Variants in ZFYVE9 observed in about 807,000 individuals in gnomAD.
ZFYVE9 encodes zinc finger FYVE domain-containing protein 9.
A neutral mutation model predicts 126.7 loss-of-function variants in ZFYVE9; 43 were observed. The ratio of observed to expected loss-of-function variants is 0.34; its 90% CI spans 0.27 to 0.44. The LOEUF (loss-of-function observed/expected upper bound fraction) is 0.44, where lower values mean the gene tolerates loss of function less well. ZFYVE9 is among the 20% of genes least tolerant of loss of function. The pLI is 1.00. For synonymous variants in ZFYVE9, 521 were observed against 597.4 expected, an observed-to-expected ratio of 0.87 and a Z score of 1.87; for missense variants, 1,476 against 1,697.0, an observed-to-expected ratio of 0.87 and a Z score of 2.29.
intron 4 of ZFYVE9, among the ~76,000 whole-genome samples, chr1:52,248,718 C>T (rs1645414884): frequency 6.6e-6 from 1 of 152,226 alleles, no homozygotes; most frequent in Non-Finnish European, 1.5e-5. Context: ...AATAATGCTA[C>T]TATGAACATG....
intron 1 of ZFYVE9, chr1:52,180,299 A>G (rs1644685353): frequency 2.5e-6 from 4 of 1,591,616 alleles, no homozygotes; most frequent in Non-Finnish European, 3.4e-6. Context: ...CAACCTGCAT[A>G]CCCAGTTATC....
At chr1:52,199,947 TATC>T (rs1227475112) in intron 1 of ZFYVE9, among the ~76,000 whole-genome samples, 1 of 152,178 alleles carries the variant, frequency 6.6e-6, no homozygotes, top group African/African-American at 2.4e-5. Flanking sequence ...TGGAGTATCT[TATC>T]ATAATGCCTG....
At chr1:52,151,059 G>C (rs1644352455) in intron 1 of ZFYVE9, among the ~76,000 whole-genome samples, 1 of 150,742 alleles carries the variant, frequency 6.6e-6, no homozygotes, top group African/African-American at 2.4e-5. Flanking sequence ...GGTCACTCAT[G>C]GAAATTTCTG....
chr1:52,279,639 G>A lies in ZFYVE9; in HGVS notation c.2869+1025G>A, dbSNP rs550144969. Reference sequence around the variant, plus strand: ...CCACCATACCTGGCTAATTTTTTTTGTATTTTTTTGTAGAGACAGGAGTCT... The same window carrying A: ...CCACCATACCTGGCTAATTTTTTTTATATTTTTTTGTAGAGACAGGAGTCT... On this transcript the variant is annotated intron_variant, in intron 9 of 18. Coordinates refer to ENST00000287727, the MANE Select transcript of ZFYVE9 (RefSeq NM_004799.4). 5.9e-5 allele frequency among the ~76,000 whole-genome samples: 9 copies of A among 152,002 alleles called. No individual in the cohort carries two copies. In the South Asian group the frequency reaches 1.2e-3, roughly 21 times the overall value.
At position 52,346,172 on chromosome 1, in the gene ZFYVE9, GC is replaced by G. The variant is rs769956069; in HGVS notation, c.4233del (p.Val1412LeufsTer39). Reference protein sequence around the residue: ...IHGGACQLSEGPVVMELIFYI... With the variant: ...IHGGACQLSEXPVVMELIFYI... ...GGAGGGGCCTGCCAGCTTAGTGAGG[GC>G]CCCGTTGTCATGGAACTCATCTTTT... On this transcript the variant is annotated frameshift_variant, in exon 19 of 19. Coordinates refer to ENST00000287727, the MANE Select transcript of ZFYVE9 (RefSeq NM_004799.4). LOFTEE classifies it high-confidence loss of function. 6.2e-7 allele frequency: 1 copy of G among 1,611,832 alleles called. No individual in the cohort carries two copies. Among genetic ancestry groups the G allele is most frequent in the South Asian group, 1.1e-5 (1 of 90,938 alleles).
intron 4 of ZFYVE9, among the ~76,000 whole-genome samples, chr1:52,248,556 A>G (rs923874950): frequency 2.0e-5 from 3 of 152,210 alleles, no homozygotes; most frequent in Non-Finnish European, 4.4e-5. Context: ...AATCCAGTCA[A>G]GTTAACACTT....
rs535252766 is a variant in ZFYVE9 at position 52,142,942 on chromosome 1, C to T, written c.-143+539C>T. 1.6e-4 allele frequency among the ~76,000 whole-genome samples: 24 copies of T among 152,186 alleles called. No homozygotes were observed. The highest frequency in any genetic ancestry group is 2.8e-4 in the Non-Finnish European group (19 of 67,988). On this transcript the variant is annotated intron_variant, in intron 1 of 18. Transcript: ENST00000287727. The surrounding 1 kb of genome is among the most constrained non-coding windows in gnomAD (Gnocchi z 4.5). ...GTGTCATTCATGGATCTGGCTTGCT[C>T]GAGAACAACCTTTTGCGTCTTATTT...
At chr1:52,330,676 G>A (rs901739956) in intron 13 of ZFYVE9, among the ~76,000 whole-genome samples, 21 of 152,162 alleles carry the variant, frequency 1.4e-4, no homozygotes, top group Non-Finnish European at 2.5e-4. Flanking sequence ...TCTTGGTTTT[G>A]GTGGGTTTTG....
chr1:52,238,054 A>G lies in ZFYVE9; in HGVS notation c.637A>G (p.Met213Val). 1 of 1,614,034 alleles carries G rather than the reference A, an allele frequency of 6.2e-7. No individual in the cohort carries two copies. Among genetic ancestry groups the G allele is most frequent in the Non-Finnish European group, 8.5e-7 (1 of 1,179,954 alleles). Residue 213 changes from methionine (M) to valine (V), a missense_variant, in exon 4 of 19, where the codon ATG (methionine) becomes GTG (valine). Physicochemically the swap from Met to Val is conservative, Grantham distance 21. This residue lies in a region of ZFYVE9 where 807 missense variants were observed against 794.6 expected (regional missense o/e 1.02). Transcript: ENST00000287727. Reference protein sequence around the residue: ...TEKDMNSEKQMDPLNRPKTEG... With the variant: ...TEKDMNSEKQVDPLNRPKTEG... The stretch of plus-strand genomic sequence containing the variant: ...AAAAGATATGAATTCAGAGAAACAA[A>G]TGGATCCATTGAATAGACCGAAAAC...
chr1:52,210,867 T>C (rs1406429593), intron 1 of ZFYVE9, among the ~76,000 whole-genome samples: 1 of 152,136 alleles, frequency 6.6e-6, no homozygotes, highest in African/African-American at 2.4e-5. Context: ...GTTGGCCAGG[T>C]TCTTCTCGAA....
chr1:52,192,125 C>T (rs979497279), intron 1 of ZFYVE9, among the ~76,000 whole-genome samples: 23 of 151,770 alleles, frequency 1.5e-4, no homozygotes, highest in Admixed American at 3.3e-4. Flanking sequence ...CCTGCCACTG[C>T]AAATCAGGGT....
At chr1:52,233,319 G>C (rs1246756691) in intron 3 of ZFYVE9, 43 bp downstream of exon 3, 1 of 1,422,728 alleles carries the variant, frequency 7.0e-7, no homozygotes, top group Non-Finnish European at 9.6e-7. Context: ...ATGTGGTATA[G>C]AGAATGTGGG....
chr1:52,332,385 A>G (rs1022156933), intron 13 of ZFYVE9, among the ~76,000 whole-genome samples: 2 of 152,212 alleles, frequency 1.3e-5, no homozygotes, highest in Non-Finnish European at 2.9e-5. Flanking sequence ...AAGCAGATGT[A>G]CTTAAATATG....
At chr1:52,339,662 A>G (rs1646417701) in intron 16 of ZFYVE9, among the ~76,000 whole-genome samples, 1 of 152,214 alleles carries the variant, frequency 6.6e-6, no homozygotes, top group African/African-American at 2.4e-5. Context: ...ATATAAGCAC[A>G]TAGAGGGGAA....
intron 9 of ZFYVE9, among the ~76,000 whole-genome samples, chr1:52,280,764 C>A (rs1472366499): frequency 6.6e-6 from 1 of 152,080 alleles, no homozygotes; most frequent in Non-Finnish European, 1.5e-5. Context: ...TGCTGATTAT[C>A]TAGAATTTTT....
chr1:52,265,383 T>A (rs1310137105), intron 5 of ZFYVE9, among the ~76,000 whole-genome samples: 1 of 152,186 alleles, frequency 6.6e-6, no homozygotes, highest in African/African-American at 2.4e-5. Flanking sequence ...TTCAAAATCC[T>A]ATGGATCATT....
chr1:52,150,248 G>T (rs1209634638), intron 1 of ZFYVE9: 1 of 152,236 alleles, frequency 6.6e-6, no homozygotes, highest in Admixed American at 6.5e-5. Flanking sequence ...GTGACCTCCT[G>T]AGAGGGGGTG....
chr1:52,334,835 C>T (rs1428428081), intron 15 of ZFYVE9, 67 bp downstream of exon 15: 5 of 1,466,176 alleles, frequency 3.4e-6, no homozygotes, highest in African/African-American at 1.4e-5. Flanking sequence ...GAATCCTTTA[C>T]ACTTCTGCTG....
chr1:52,213,374 G>T (rs1645044635), intron 1 of ZFYVE9, among the ~76,000 whole-genome samples: 1 of 152,192 alleles, frequency 6.6e-6, no homozygotes, highest in Non-Finnish European at 1.5e-5. Context: ...GATGAGGCCA[G>T]GTGCGGTGGC....
Sources: gnomAD v4.1 joint callset for allele counts (sites outside exome capture counted in the v4.1 genomes callset) on GRCh38, gnomAD v4.1.1 for gene constraint, gnomAD v4.1.1 regional missense constraint, Gnocchi (gnomAD v3.1) non-coding constraint, MANE v1.5 for transcripts, NCBI Gene and HGNC (gene_info 2026-07-23, HGNC 2026-07-21) for gene names.